ADARB2: variants seen among roughly 807,000 people sequenced by gnomAD.
ADARB2 encodes the protein inactive double-stranded RNA-specific editase B2.
ADARB2 carries 25 observed loss-of-function variants against 62.2 expected under a neutral mutation model. The observed-to-expected ratio is 0.40, with a 90% CI of 0.29 to 0.56. The LOEUF is 0.56. Ranked by LOEUF, ADARB2 falls within the 20% of genes least tolerant of loss-of-function variation. ADARB2 has a pLI of 0.43. For synonymous variants in ADARB2, 572 were observed against 500.8 expected (o/e 1.14, Z -1.90); for missense variants, 1,071 against 1,077.4 (o/e 0.99, Z 0.08).
intron 1 of ADARB2, among the ~76,000 whole-genome samples, chr10:1,401,543 C>T (rs1832662681): frequency 6.6e-6 from 1 of 152,212 alleles, no homozygotes; most frequent in African/African-American, 2.4e-5. Flanking sequence ...CCTTGGAATC[C>T]TCTGACACTT....
At chr10:1,417,878 C>T (rs1014977468) in intron 1 of ADARB2, among the ~76,000 whole-genome samples, 2 of 152,218 alleles carry the variant, frequency 1.3e-5, no homozygotes, top group African/African-American at 4.8e-5. Flanking sequence ...CCCCAAGGCA[C>T]CTCAAAGTTT....
At chr10:1,310,491 C>T (rs763514010) in intron 3 of ADARB2, among the ~76,000 whole-genome samples, 1 of 152,194 alleles carries the variant, frequency 6.6e-6, no homozygotes, top group African/African-American at 2.4e-5. Flanking sequence ...TCCATCTAAA[C>T]CTACTTTCTA....
intron 1 of ADARB2, among the ~76,000 whole-genome samples, chr10:1,683,609 G>C (rs148831811): frequency 1.5e-3 from 228 of 152,262 alleles, no homozygotes; most frequent in African/African-American, 5.3e-3. Flanking sequence ...GAAACACTTG[G>C]TGTTTTTGTA....
At chr10:1,566,063 CAAAAAAAAAAAAAAAAAA>C (rs376967105) in intron 1 of ADARB2, among the ~76,000 whole-genome samples, 14 of 128,050 alleles carry the variant, frequency 1.1e-4, no homozygotes, top group African/African-American at 4.2e-4. Flanking sequence ...CTCAGTCTAG[CAAAAAAAAAAAAAAAAAA>C]AAAAAAAAAA....
At chr10:1,379,901 T>C (rs1365437573) in intron 1 of ADARB2, among the ~76,000 whole-genome samples, 2 of 152,200 alleles carry the variant, frequency 1.3e-5, no homozygotes, top group Non-Finnish European at 2.9e-5. Context: ...ACCAATAAAG[T>C]ATGCTTTTTT....
intron 1 of ADARB2, among the ~76,000 whole-genome samples, chr10:1,536,492 C>T (rs1186057098): frequency 6.6e-6 from 1 of 152,246 alleles, no homozygotes; most frequent in African/African-American, 2.4e-5. Flanking sequence ...TCTCCATCAG[C>T]AACGGACTGG....
At chr10:1,332,160 T>A (rs753779534) in intron 3 of ADARB2, among the ~76,000 whole-genome samples, 1 of 152,166 alleles carries the variant, frequency 6.6e-6, no homozygotes, top group Non-Finnish European at 1.5e-5. Flanking sequence ...TCCCAACACT[T>A]TGAGAAGCTG....
At chr10:1,631,066 C>T (rs551657149) in intron 1 of ADARB2, among the ~76,000 whole-genome samples, 7 of 152,116 alleles carry the variant, frequency 4.6e-5, no homozygotes, top group Non-Finnish European at 8.8e-5. Flanking sequence ...CCACCACCCG[C>T]GGTGAAGTGT....
chr10:1,653,086 G>T (rs116485372), intron 1 of ADARB2, among the ~76,000 whole-genome samples: 3 of 152,198 alleles, frequency 2.0e-5, no homozygotes, highest in Non-Finnish European at 2.9e-5. Context: ...CTGCAAAAGG[G>T]TGGCTGATCC....
At chr10:1,277,776 C>G (rs1045358370) in intron 3 of ADARB2, among the ~76,000 whole-genome samples, 2 of 152,142 alleles carry the variant, frequency 1.3e-5, no homozygotes, top group African/African-American at 4.8e-5. Flanking sequence ...CATCCTGATA[C>G]CAAAGCCTGG....
chr10:1,732,309 T>C (rs1168510626), intron 1 of ADARB2, among the ~76,000 whole-genome samples: 1 of 63,166 alleles, frequency 1.6e-5, no homozygotes, highest in Non-Finnish European at 3.3e-5. Context: ...TATCTTTTCA[T>C]GCCTCAAAAA....
At chr10:1,456,832 T>C (rs1831101945) in intron 1 of ADARB2, among the ~76,000 whole-genome samples, 1 of 152,198 alleles carries the variant, frequency 6.6e-6, no homozygotes, top group Non-Finnish European at 1.5e-5. Flanking sequence ...TCTCGCACTG[T>C]TGCTGGGGCT....
chr10:1,525,702 C>A (rs1297649922), intron 1 of ADARB2, among the ~76,000 whole-genome samples: 3 of 152,106 alleles, frequency 2.0e-5, no homozygotes, highest in Non-Finnish European at 4.4e-5. Flanking sequence ...CAGAGCTAGC[C>A]GAGGCAGCTG....
intron 3 of ADARB2, among the ~76,000 whole-genome samples, chr10:1,285,407 C>CTT (rs1238800578): frequency 6.6e-6 from 1 of 152,206 alleles, no homozygotes; most frequent in South Asian, 2.1e-4. Flanking sequence ...TGCCCTGAGG[C>CTT]TTTGCCTGGC....
chr10:1,668,649 C>G (rs912974403), intron 1 of ADARB2, among the ~76,000 whole-genome samples: 2 of 152,218 alleles, frequency 1.3e-5, no homozygotes, highest in Admixed American at 1.3e-4. Context: ...GGGACCAACA[C>G]TGTCACCATC....
At chr10:1,321,393 A>T (rs1421776793) in intron 3 of ADARB2, among the ~76,000 whole-genome samples, 2 of 151,940 alleles carry the variant, frequency 1.3e-5, no homozygotes, top group Admixed American at 1.3e-4. Context: ...TTTAATTTTA[A>T]TTTTTTAGAG....
Position 1,308,086 on chromosome 10 carries a change from AAAT to A in ADARB2, c.1078-37020_1078-37018del, listed in dbSNP as rs1214050943. 2.3e-4 allele frequency among the ~76,000 whole-genome samples: 12 copies of A among 51,270 alleles called. No individual in the cohort carries two copies. The East Asian group carries it at 0.016, about 67-fold the overall frequency. 33.6% of individuals were successfully genotyped at this position (51,270 alleles called of 152,430 possible). A position where few individuals can be genotyped will look rare whatever the true frequency, so the allele number is the denominator to read the frequency against. ...CCTAAAACTTAAAGTATAATAAAAAAAATAAATTAAAAAAAAAAAGTATCTCCC... is the reference window on the plus strand; with the variant it reads ...CCTAAAACTTAAAGTATAATAAAAAAAAATTAAAAAAAAAAAGTATCTCCC... On this transcript the variant is annotated intron_variant, in intron 3 of 9. Coordinates refer to ENST00000381312, the MANE Select transcript of ADARB2 (RefSeq NM_018702.4).
intron 1 of ADARB2, among the ~76,000 whole-genome samples, chr10:1,489,344 T>A (rs572456885): frequency 3.3e-5 from 5 of 151,874 alleles, no homozygotes; most frequent in African/African-American, 1.2e-4. Flanking sequence ...CGGATGCACC[T>A]GACCTTCCCT....
At chr10:1,548,320 G>A (rs368620845) in intron 1 of ADARB2, among the ~76,000 whole-genome samples, 1 of 152,180 alleles carries the variant, frequency 6.6e-6, no homozygotes, top group Non-Finnish European at 1.5e-5. Flanking sequence ...CCCTCCCTTC[G>A]CTGGTGACAA....
Sources: allele counts gnomAD v4.1 joint callset (sites outside exome capture counted in the v4.1 genomes callset), GRCh38; gene constraint gnomAD v4.1.1; transcripts MANE v1.5; gene names NCBI Gene and HGNC (gene_info 2026-07-23, HGNC 2026-07-21).